The following WFDC8 variants were observed in gnomAD, a reference collection of about 807,000 sequenced individuals.
WFDC8 encodes WAP four-disulfide core domain 8.
A neutral mutation model predicts 27.0 loss-of-function variants in WFDC8; 24 were observed. The ratio of observed to expected loss-of-function variants is 0.89; its 90% CI spans 0.64 to 1.25. WFDC8 has a LOEUF of 1.25. WFDC8 is among the 50% of genes most tolerant of loss of function. The pLI is 0.00. For missense variants in WFDC8, 287 were observed against 295.9 expected (o/e 0.97, Z 0.22); for synonymous variants, 106 against 99.7 (o/e 1.06, Z -0.38).
Position 45,577,881 on chromosome 20 carries a change from C to T in WFDC8, c.26+1341G>A, listed in dbSNP as rs1006189387. Among the ~76,000 whole-genome samples, 202 of 149,568 alleles carry T rather than the reference C, an allele frequency of 1.4e-3. 8 individuals are homozygous for T. Among genetic ancestry groups the T allele is most frequent in the Non-Finnish European group, 2.8e-3 (185 of 66,872 alleles). ...AATTAGCCTGGAGTGGTGGTGCACA[C>T]CTGTAGTCCCAGCTACTCAGGAGGC... On this transcript the variant is annotated intron_variant, in intron 1 of 5. Coordinates refer to ENST00000289953, the MANE Select transcript of WFDC8 (RefSeq NM_130896.3).
In WFDC8 at chr20:45,555,683, C is replaced by T; in HGVS notation, c.445+18G>A. Reference sequence around the variant, plus strand: ...CTAGTTAAACTAGACCCTCAGATTTCCAGGATAGAGGTCTCACCAATTAAC... The same window carrying T: ...CTAGTTAAACTAGACCCTCAGATTTTCAGGATAGAGGTCTCACCAATTAAC... On this transcript the variant is annotated intron_variant, in intron 4 of 5. Coordinates refer to ENST00000289953, the MANE Select transcript of WFDC8 (RefSeq NM_130896.3). 1 of 1,611,664 alleles carries T rather than the reference C, an allele frequency of 6.2e-7. No individual in the cohort carries two copies. The highest frequency in any genetic ancestry group is 8.5e-7 in the Non-Finnish European group (1 of 1,179,546).
Position 45,572,496 on chromosome 20 carries a change from G to A in WFDC8, c.26+6726C>T, listed in dbSNP as rs73619226. ...ATAACAGACATTCTAACAGGCATGA[G>A]GTGATACCTCATTGTGATTTTAATT... On this transcript the variant is annotated intron_variant, in intron 1 of 5. Transcript: ENST00000289953. Among the ~76,000 whole-genome samples, 82 of 152,048 alleles carry A rather than the reference G, an allele frequency of 5.4e-4. No individual in the cohort carries two copies. In the East Asian group the frequency reaches 0.013, roughly 25 times the overall value.
chr20:45,570,361 T>A (rs1267881033), intron 1 of WFDC8, among the ~76,000 whole-genome samples: 4 of 152,212 alleles, frequency 2.6e-5, no homozygotes, highest in African/African-American at 9.6e-5. Flanking sequence ...TTTAAATAGA[T>A]GCTTGTGGGT....
intron 1 of WFDC8, among the ~76,000 whole-genome samples, chr20:45,574,369 A>C (rs1367882246): frequency 6.6e-6 from 1 of 152,124 alleles, no homozygotes; most frequent in Non-Finnish European, 1.5e-5. Context: ...GGCCAGCATT[A>C]TTCTAATACC....
chr20:45,551,914 A>C lies in WFDC8; in HGVS notation c.*112T>G. ...TATAAAATCAAAGTAACATCATTCA[A>C]TATTGTGATACTTAAGATAATTTGG... On this transcript the variant is annotated 3_prime_UTR_variant, in exon 6 of 6. Transcript: ENST00000289953. 7.9e-7 allele frequency: 1 copy of C among 1,261,648 alleles called. No individual in the cohort carries two copies. Among genetic ancestry groups the C allele is most frequent in the Non-Finnish European group, 1.1e-6 (1 of 904,598 alleles). The allele number at this position is 1,261,648 out of a possible 1,614,324, so 78.2% of individuals were successfully genotyped here.
At chr20:45,557,490 T>C (rs1318137507) in intron 3 of WFDC8, among the ~76,000 whole-genome samples, 2 of 152,180 alleles carry the variant, frequency 1.3e-5, no homozygotes, top group Admixed American at 6.5e-5. Flanking sequence ...CGCAGTGCAA[T>C]GGTGCGATCT....
At position 45,553,966 on chromosome 20, in the gene WFDC8, G is replaced by A. The variant is rs1461273917; in HGVS notation, c.446-690C>T. ...AACCGGTTTGCGTTAGGGGAGTGAT[G>A]GTAAGAGGTACTGGTTTATGTTTAT... On this transcript the variant is annotated intron_variant, in intron 4 of 5. Transcript: ENST00000289953. 9.2e-5 allele frequency among the ~76,000 whole-genome samples: 14 copies of A among 152,230 alleles called. No individual in the cohort carries two copies. In the East Asian group the frequency reaches 2.1e-3, roughly 23 times the overall value.
rs373826816 is a variant in WFDC8, at chr20:45,558,917, T to C, written c.212A>G (p.Asp71Gly). 1.2e-6 allele frequency: 2 copies of C among 1,614,104 alleles called. No homozygotes were observed. Among genetic ancestry groups the C allele is most frequent in the Non-Finnish European group, 1.7e-6 (2 of 1,180,038 alleles). The change falls in exon 3 of 6, where the codon GAC (aspartate) becomes GGC (glycine). Residue 71 changes from aspartate to glycine, a missense_variant. Asp to Gly is a moderately conservative substitution (Grantham distance 94). Transcript: ENST00000289953. ...ELPDSCNTDFDCKEYQKCCFF... is the reference protein window; with the variant it reads ...ELPDSCNTDFGCKEYQKCCFF... The stretch of plus-strand genomic sequence containing the variant: ...GCAGCACTTCTGGTATTCCTTGCAG[T>C]CAAAATCTGTGTTACATGAGTCCGG...
chr20:45,558,034 G>A (rs1183973941), intron 3 of WFDC8, among the ~76,000 whole-genome samples: 2 of 151,744 alleles, frequency 1.3e-5, no homozygotes, highest in African/African-American at 4.8e-5. Context: ...CCAAACACCC[G>A]CCCCCCTCTA....
chr20:45,552,809 A>G (rs1181249805), intron 5 of WFDC8, among the ~76,000 whole-genome samples: 2 of 152,222 alleles, frequency 1.3e-5, no homozygotes, highest in African/African-American at 4.8e-5. Flanking sequence ...GCTTATTAGG[A>G]ATACACCTCA....
At chr20:45,567,492 C>T (rs1021619905) in intron 1 of WFDC8, among the ~76,000 whole-genome samples, 7 of 152,188 alleles carry the variant, frequency 4.6e-5, no homozygotes, top group African/African-American at 1.7e-4. Flanking sequence ...TATGCATAAA[C>T]ACACAGCTCG....
At chr20:45,561,901 T>C (rs1980485315) in intron 2 of WFDC8, among the ~76,000 whole-genome samples, 1 of 151,990 alleles carries the variant, frequency 6.6e-6, no homozygotes, top group Non-Finnish European at 1.5e-5. Flanking sequence ...CTTACATATA[T>C]AAAAATATGG....
At chr20:45,576,424 C>T (rs139217650) in intron 1 of WFDC8, among the ~76,000 whole-genome samples, 1 of 150,116 alleles carries the variant, frequency 6.7e-6, no homozygotes, top group East Asian at 1.9e-4. Context: ...TTCAGACAGT[C>T]TCTCACTGTC....
intron 3 of WFDC8, among the ~76,000 whole-genome samples, chr20:45,557,216 G>A (rs188693580): frequency 3.3e-5 from 5 of 152,228 alleles, no homozygotes; most frequent in African/African-American, 1.2e-4. Flanking sequence ...CTTGCCAACC[G>A]ACTACCACTT....
chr20:45,565,311 G>C (rs1334883467), intron 1 of WFDC8, among the ~76,000 whole-genome samples: 2 of 152,172 alleles, frequency 1.3e-5, no homozygotes, highest in Non-Finnish European at 2.9e-5. Context: ...GATTTGACTA[G>C]ATTAGGCTTG....
chr20:45,558,323 A>G (rs6032317), intron 3 of WFDC8, among the ~76,000 whole-genome samples: 58,041 of 151,892 alleles, frequency 0.38, 11,515 homozygotes, highest in Non-Finnish European at 0.43. Flanking sequence ...TTCAATAAGT[A>G]ATAAACCCAA....
At chr20:45,574,029 G>T (rs545468646) in intron 1 of WFDC8, among the ~76,000 whole-genome samples, 2 of 152,180 alleles carry the variant, frequency 1.3e-5, no homozygotes, top group Admixed American at 6.5e-5. Context: ...CAAATTTTAG[G>T]ATTTTTTAAA....
At chr20:45,573,735 C>G (rs1025493758) in intron 1 of WFDC8, among the ~76,000 whole-genome samples, 3 of 152,042 alleles carry the variant, frequency 2.0e-5, no homozygotes, top group Non-Finnish European at 4.4e-5. Context: ...TTTTATTTTT[C>G]TACATGTGGA....
chr20:45,557,440 T>C (rs1489467966), intron 3 of WFDC8, among the ~76,000 whole-genome samples: 1 of 152,142 alleles, frequency 6.6e-6, no homozygotes, highest in Non-Finnish European at 1.5e-5. Context: ...TTTTGTTTTT[T>C]TTTGTTTTTT....
Sources: allele counts gnomAD v4.1 joint callset (sites outside exome capture counted in the v4.1 genomes callset), GRCh38; gene constraint gnomAD v4.1.1; transcripts MANE v1.5; gene names NCBI Gene and HGNC (gene_info 2026-07-23, HGNC 2026-07-21).